LARP1B: variants seen among roughly 807,000 people sequenced by gnomAD.
The protein encoded by LARP1B is La ribonucleoprotein 1B.
In LARP1B, 76 loss-of-function variants were observed where a neutral mutation model predicts 114.2. The ratio of observed to expected loss-of-function variants is 0.67; its 90% confidence interval spans 0.55 to 0.81. The LOEUF is 0.81. Among genes scored for constraint, LARP1B ranks in the 30% least tolerant of loss-of-function variants. The pLI is 0.00. For synonymous variants in LARP1B, 345 were observed against 348.0 expected, an observed-to-expected ratio of 0.99 and a Z score of 0.10; for missense variants, 1,014 against 1,075.8, an observed-to-expected ratio of 0.94 and a Z score of 0.80.
In LARP1B at chr4:128,106,997, A is replaced by G. The variant is rs1004762036; in HGVS notation, c.814-142A>G. The G allele has an allele frequency of 6.9e-5, 44 of 639,184 alleles. 2 individuals are homozygous for G. Among genetic ancestry groups the G allele is most frequent in the South Asian group, 3.8e-4 (18 of 47,996 alleles). 39.6% of individuals were successfully genotyped at this position (639,184 alleles called of 1,614,324 possible). A position where few individuals can be genotyped will look rare whatever the true frequency, so the allele number is the denominator to read the frequency against. ...CAAATGATTTTAAAACTTGTGTTCT[A>G]TGTGGTTAACTTATGGATTTTTTAG... On this transcript the variant is annotated intron_variant, in intron 8 of 19. Transcript: ENST00000326639.
chr4:128,201,706 C>T (rs1168349369), intron 17 of LARP1B, among the ~76,000 whole-genome samples: 1 of 152,134 alleles, frequency 6.6e-6, no homozygotes, highest in African/African-American at 2.4e-5. Flanking sequence ...CAGAAATGTT[C>T]ATGGAAAGTC....
chr4:128,078,079 G>A, intron 4 of LARP1B, 117 bp downstream of exon 4: 1 of 680,414 alleles, frequency 1.5e-6, no homozygotes, highest in East Asian at 3.0e-5. Context: ...ATTTCTTCAG[G>A]ATAAACAATC....
At chr4:128,189,865 AT>A (rs1271174807) in intron 15 of LARP1B, among the ~76,000 whole-genome samples, 4 of 152,172 alleles carry the variant, frequency 2.6e-5, no homozygotes, top group African/African-American at 9.7e-5. Context: ...TGTTGTCTTA[AT>A]TTACATCTAT....
chr4:128,073,376 A>G (rs1237699983), intron 1 of LARP1B, among the ~76,000 whole-genome samples: 1 of 125,188 alleles, frequency 8.0e-6, no homozygotes, highest in Non-Finnish European at 1.6e-5. Context: ...AGATTGCGCC[A>G]CTGCACTCCA....
intron 11 of LARP1B, among the ~76,000 whole-genome samples, chr4:128,129,904 A>G (rs959312263): frequency 3.9e-5 from 6 of 152,350 alleles, no homozygotes; most frequent in African/African-American, 1.4e-4. Context: ...ACAAAACCAT[A>G]AACGTCCTAG....
rs1268942912 is a variant in LARP1B at position 128,079,986 on chromosome 4, CT to C, written c.217+2039del. 2.7e-3 allele frequency among the ~76,000 whole-genome samples: 391 copies of C among 144,246 alleles called. 1 individual carries two copies. Among genetic ancestry groups the C allele is most frequent in the African/African-American group, 2.2e-3 (85 of 39,218 alleles). 94.6% of individuals were successfully genotyped at this position (144,246 alleles called of 152,430 possible). ...TTTGTTATCCTGATCTAAAATTTGT[CT>C]TTTTTTTTTTTTTTGAGATGGAGTT... On this transcript the variant is annotated intron_variant, in intron 4 of 19. Coordinates refer to ENST00000326639, the MANE Select transcript of LARP1B (RefSeq NM_018078.4).
intron 11 of LARP1B, among the ~76,000 whole-genome samples, chr4:128,147,128 G>T (rs1176829678): frequency 6.6e-6 from 1 of 152,222 alleles, no homozygotes; most frequent in Non-Finnish European, 1.5e-5. Context: ...GTGTTGAGGA[G>T]TGATGGAGTT....
Position 128,199,514 on chromosome 4 carries a change from G to GT in LARP1B, c.2081dup (p.Gln695ProfsTer6). 1.9e-6 allele frequency: 3 copies of GT among 1,604,680 alleles called. No individual in the cohort carries two copies. The highest frequency in any genetic ancestry group is 1.7e-6 in the Non-Finnish European group (2 of 1,174,808). On this transcript the variant is annotated frameshift_variant, in exon 16 of 20. Transcript: ENST00000326639. LOFTEE classifies it high-confidence loss of function. Reference sequence around the variant, plus strand: ...GATGTACTCCTCATTCATTCCCAAAGTTCCAGCATCCTTCTCATGAACTTT... The same window carrying GT: ...GATGTACTCCTCATTCATTCCCAAAGTTTCCAGCATCCTTCTCATGAACTTT...
intron 11 of LARP1B, among the ~76,000 whole-genome samples, chr4:128,158,840 CA>C (rs1737031052): frequency 1.3e-5 from 2 of 151,938 alleles, no homozygotes; most frequent in African/African-American, 2.4e-5. Flanking sequence ...CTTCAAAAGT[CA>C]CATCTTATAT....
chr4:128,074,066 G>A (rs750313238), intron 1 of LARP1B, among the ~76,000 whole-genome samples: 3 of 151,802 alleles, frequency 2.0e-5, no homozygotes, highest in Admixed American at 6.6e-5. Context: ...TCAGCCTCCT[G>A]AGTATCTGGG....
At chr4:128,107,005 A>G (rs1016195284) in intron 8 of LARP1B, 134 bp from the exon 9 acceptor site, 2 of 670,572 alleles carry the variant, frequency 3.0e-6, no homozygotes, top group African/African-American at 3.6e-5. Context: ...CTATGTGGTT[A>G]ACTTATGGAT....
chr4:128,076,302 G>A (rs1767845567), intron 3 of LARP1B, among the ~76,000 whole-genome samples: 1 of 152,188 alleles, frequency 6.6e-6, no homozygotes, highest in Admixed American at 6.6e-5. Flanking sequence ...ACTGCGCCCA[G>A]CCTCATCTCG....
At chr4:128,068,503 T>A (rs1561030683) in intron 1 of LARP1B, among the ~76,000 whole-genome samples, 1 of 152,096 alleles carries the variant, frequency 6.6e-6, no homozygotes, top group Non-Finnish European at 1.5e-5. Context: ...TTATTTTTGT[T>A]TTTTAAATTT....
intron 8 of LARP1B, among the ~76,000 whole-genome samples, chr4:128,100,710 GA>G (rs775779978): frequency 5.9e-5 from 9 of 151,830 alleles, no homozygotes; most frequent in South Asian, 2.1e-4. Flanking sequence ...TTTTTTAAAA[GA>G]TAATTGTATG....
intron 11 of LARP1B, among the ~76,000 whole-genome samples, chr4:128,149,249 T>C (rs1218137100): frequency 6.6e-6 from 1 of 152,128 alleles, no homozygotes; most frequent in East Asian, 1.9e-4. Context: ...ACTCTGAAGA[T>C]TGGGTAGGTG....
At chr4:128,102,351 T>C (rs1780599604) in intron 8 of LARP1B, among the ~76,000 whole-genome samples, 1 of 152,196 alleles carries the variant, frequency 6.6e-6, no homozygotes, top group African/African-American at 2.4e-5. Flanking sequence ...TGAGGATGAA[T>C]TGTGTTAATG....
chr4:128,098,747 G>GTGTGTATATATATATA, intron 8 of LARP1B, among the ~76,000 whole-genome samples: 213 of 15,564 alleles, frequency 0.014, 36 homozygotes, highest in South Asian at 0.05. Flanking sequence ...ATATGTATGT[G>GTGTGTATATATATATA]TATATATATA....
chr4:128,091,171 A>AT, intron 6 of LARP1B, 27 bp downstream of exon 6: 5 of 1,602,436 alleles, frequency 3.1e-6, no homozygotes, highest in Non-Finnish European at 4.2e-6. Flanking sequence ...GTTTCGTTAA[A>AT]TTAGATAAAC....
chr4:128,180,002 A>G (rs527579612), intron 15 of LARP1B, among the ~76,000 whole-genome samples: 1 of 152,336 alleles, frequency 6.6e-6, no homozygotes, highest in South Asian at 2.1e-4. Context: ...TAATTAAAAA[A>G]AGAAGAAGTC....
Sources: allele counts gnomAD v4.1 joint callset (sites outside exome capture counted in the v4.1 genomes callset), GRCh38; gene constraint gnomAD v4.1.1; transcripts MANE v1.5; gene names NCBI Gene and HGNC (gene_info 2026-07-23, HGNC 2026-07-21).